KCNMA1: variants seen among roughly 807,000 people sequenced by gnomAD.
The protein encoded by KCNMA1 is potassium calcium-activated channel subfamily M alpha 1, also known as Calcium-activated potassium channel subunit alpha-1.
Under a neutral mutation model 140.0 loss-of-function variants are expected in KCNMA1, and 29 were observed. The ratio of observed to expected loss-of-function variants is 0.21; its 90% CI spans 0.15 to 0.28. The LOEUF is 0.28. KCNMA1 is among the 10% of genes least tolerant of loss of function. The pLI is 1.00. For synonymous variants in KCNMA1, 612 were observed against 611.9 expected, an observed-to-expected ratio of 1.00 and a Z score of 0.00; for missense variants, 880 against 1,602.2, an observed-to-expected ratio of 0.55 and a Z score of 7.70.
intron 1 of KCNMA1, among the ~76,000 whole-genome samples, chr10:77,409,016 G>A (rs1009996868): frequency 6.6e-5 from 10 of 152,168 alleles, no homozygotes; most frequent in East Asian, 5.8e-4. Context: ...GTCCCCTCCC[G>A]ACACCCACCC....
At chr10:76,907,601 C>G (rs563137053) in intron 25 of KCNMA1, among the ~76,000 whole-genome samples, 18 of 152,200 alleles carry the variant, frequency 1.2e-4, no homozygotes, top group African/African-American at 4.1e-4. Context: ...TGCAGTGGCG[C>G]TATATCATCT....
At chr10:77,469,455 A>C (rs1249473844) in intron 1 of KCNMA1, among the ~76,000 whole-genome samples, 1 of 152,158 alleles carries the variant, frequency 6.6e-6, no homozygotes, top group East Asian at 1.9e-4. Context: ...TGTCTTGAGA[A>C]GGGTCCCTGA....
At position 76,923,285 on chromosome 10, in the gene KCNMA1, C is replaced by G. The variant is rs2056536040; in HGVS notation, c.2903-8236G>C. 2.0e-5 allele frequency among the ~76,000 whole-genome samples: 3 copies of G among 152,032 alleles called. No individual in the cohort carries two copies. The South Asian group carries it at 6.2e-4, about 32-fold the overall frequency. ...GTCTCTCCAAGCAGACAGTCTCTTT[C>G]CTTAGAATTAACTTAAAGATGTAGT... On this transcript the variant is annotated intron_variant, in intron 23 of 27. Coordinates refer to ENST00000286628, the MANE Select transcript of KCNMA1 (RefSeq NM_001161352.2).
intron 5 of KCNMA1, among the ~76,000 whole-genome samples, chr10:77,143,756 A>C (rs1388187120): frequency 6.6e-6 from 1 of 152,204 alleles, no homozygotes; most frequent in Non-Finnish European, 1.5e-5. Context: ...CAGTAAAATA[A>C]AAAACTTCTC....
chr10:77,412,235 A>G (rs2096635766), intron 1 of KCNMA1, among the ~76,000 whole-genome samples: 1 of 152,192 alleles, frequency 6.6e-6, no homozygotes, highest in Non-Finnish European at 1.5e-5. Context: ...GAAGGGCCTC[A>G]TGCCTCACAG....
chr10:77,378,178 C>A (rs1354492594), intron 2 of KCNMA1, among the ~76,000 whole-genome samples: 7 of 152,226 alleles, frequency 4.6e-5, no homozygotes, highest in Admixed American at 3.3e-4. Flanking sequence ...TGCCACCGAG[C>A]CGACAGGCCA....
chr10:77,207,312 T>C (rs895928813), intron 3 of KCNMA1, among the ~76,000 whole-genome samples: 9 of 152,274 alleles, frequency 5.9e-5, no homozygotes, highest in African/African-American at 1.9e-4. Flanking sequence ...ATATAACACA[T>C]TGCATAATTT....
chr10:77,592,893 A>G (rs538574982), intron 1 of KCNMA1, among the ~76,000 whole-genome samples: 4 of 152,280 alleles, frequency 2.6e-5, no homozygotes, highest in Admixed American at 1.3e-4. Flanking sequence ...AGTAAGAGAG[A>G]GCGCACAAAG....
intron 23 of KCNMA1, among the ~76,000 whole-genome samples, chr10:76,923,098 C>T (rs921525469): frequency 6.6e-6 from 1 of 152,250 alleles, no homozygotes; most frequent in East Asian, 1.9e-4. Flanking sequence ...AGTGCCCCAT[C>T]CTTTTTAGAG....
chr10:77,503,889 T>C (rs994817298), intron 1 of KCNMA1, among the ~76,000 whole-genome samples: 1 of 152,166 alleles, frequency 6.6e-6, no homozygotes, highest in Non-Finnish European at 1.5e-5. Context: ...CTGTGCGACA[T>C]CTTACCTAAG....
chr10:77,006,424 T>G (rs2088672410), intron 18 of KCNMA1, among the ~76,000 whole-genome samples: 1 of 152,148 alleles, frequency 6.6e-6, no homozygotes, highest in Non-Finnish European at 1.5e-5. Flanking sequence ...CTGCAGCAAC[T>G]AACGTTACTA....
At chr10:77,589,354 C>G (rs1323233006) in intron 1 of KCNMA1, among the ~76,000 whole-genome samples, 1 of 152,150 alleles carries the variant, frequency 6.6e-6, no homozygotes, top group East Asian at 1.9e-4. Flanking sequence ...GACGGCCCTT[C>G]TTGTTCCCGT....
chr10:77,032,833 T>C (rs1594267102), intron 15 of KCNMA1, among the ~76,000 whole-genome samples: 1 of 152,184 alleles, frequency 6.6e-6, no homozygotes. Context: ...CAACTGTTTC[T>C]GCCTACCCAG....
chr10:77,095,137 T>C (rs2096900420), intron 9 of KCNMA1, among the ~76,000 whole-genome samples: 2 of 152,224 alleles, frequency 1.3e-5, no homozygotes, highest in African/African-American at 4.8e-5. Context: ...AGTAGCTAAA[T>C]CTCTCCCCAT....
intron 1 of KCNMA1, among the ~76,000 whole-genome samples, chr10:77,611,208 T>C (rs2086729145): frequency 6.6e-6 from 1 of 152,242 alleles, no homozygotes; most frequent in African/African-American, 2.4e-5. Flanking sequence ...ATACTGACAA[T>C]AATCCCTGGC....
At position 77,458,163 on chromosome 10, in the gene KCNMA1, C is replaced by T. The variant is rs144025900; in HGVS notation, c.379-54140G>A. On this transcript the variant is annotated intron_variant, in intron 1 of 27. Transcript: ENST00000286628. Reference sequence around the variant, plus strand: ...CACACTGTCTGAATTCCATCAGCCACAAGCAGGCATCCTCCACCCAGGGAT... The same window carrying T: ...CACACTGTCTGAATTCCATCAGCCATAAGCAGGCATCCTCCACCCAGGGAT... Among the ~76,000 whole-genome samples, 39 of 152,356 alleles carry T rather than the reference C, an allele frequency of 2.6e-4. 1 individual carries two copies. The East Asian group carries it at 6.6e-3, about 26-fold the overall frequency.
At chr10:76,989,871 A>T (rs1434560811) in intron 19 of KCNMA1, among the ~76,000 whole-genome samples, 1 of 151,276 alleles carries the variant, frequency 6.6e-6, no homozygotes, top group Non-Finnish European at 1.5e-5. Context: ...CATCAATACT[A>T]TGGGAGATGG....
chr10:77,330,550 A>G (rs2085996237), intron 2 of KCNMA1, among the ~76,000 whole-genome samples: 1 of 152,180 alleles, frequency 6.6e-6, no homozygotes, highest in Admixed American at 6.5e-5. Context: ...ACTCACAATA[A>G]TTTCGTAAAT....
chr10:77,498,776 C>T (rs1298773544), intron 1 of KCNMA1: 2 of 152,000 alleles, frequency 1.3e-5, no homozygotes, highest in Non-Finnish European at 2.9e-5. Context: ...ACCTTGAAAA[C>T]ATTCTTAACT....
Sources: allele counts gnomAD v4.1 joint callset (sites outside exome capture counted in the v4.1 genomes callset), GRCh38; gene constraint gnomAD v4.1.1; transcripts MANE v1.5; gene names NCBI Gene and HGNC (gene_info 2026-07-23, HGNC 2026-07-21).